PGAP4: variants seen among roughly 807,000 people sequenced by gnomAD.
PGAP4 encodes post-GPI attachment to proteins GalNAc transferase 4.
PGAP4 carries 12 observed loss-of-function variants against 28.2 expected under a neutral mutation model. The ratio of observed to expected loss-of-function variants is 0.42; its 90% CI spans 0.27 to 0.69. PGAP4 has a LOEUF of 0.69. PGAP4 is among the 30% of genes least tolerant of loss of function. The pLI is 0.22. For synonymous variants in PGAP4, 205 were observed against 211.8 expected, an observed-to-expected ratio of 0.97 and a Z score of 0.28; for missense variants, 425 against 513.5, an observed-to-expected ratio of 0.83 and a Z score of 1.67.
intron 1 of PGAP4, among the ~76,000 whole-genome samples, chr9:101,481,770 CTG>C (rs1826494437): frequency 2.0e-5 from 3 of 152,344 alleles, no homozygotes; most frequent in East Asian, 1.9e-4. Context: ...CAAGAATGTT[CTG>C]TGTTTCCCAA....
intron 2 of PGAP4, among the ~76,000 whole-genome samples, chr9:101,492,578 T>C (rs1206395741): frequency 2.0e-5 from 3 of 152,198 alleles, no homozygotes. Context: ...CTGAATTCTG[T>C]TACATTTTCC....
intron 1 of PGAP4, among the ~76,000 whole-genome samples, chr9:101,478,489 G>C (rs1265145115): frequency 1.3e-5 from 2 of 152,214 alleles, no homozygotes; most frequent in Non-Finnish European, 2.9e-5. Flanking sequence ...CTGTGGAGCA[G>C]ACTCAGCCAG....
At chr9:101,485,009 CTT>C (rs1039833475) in intron 1 of PGAP4, among the ~76,000 whole-genome samples, 73 of 152,310 alleles carry the variant, frequency 4.8e-4, no homozygotes, top group African/African-American at 1.7e-3. Flanking sequence ...AACACTGAGT[CTT>C]GTGTTAGACA....
upstream of PGAP4, among the ~76,000 whole-genome samples, chr9:101,487,525 A>G (rs1826644008): frequency 6.6e-6 from 1 of 152,228 alleles, no homozygotes; most frequent in South Asian, 2.1e-4. Context: ...CAATCCCGGC[A>G]AAGCAAATAG....
intron 2 of PGAP4, among the ~76,000 whole-genome samples, chr9:101,523,885 G>A (rs577034377): frequency 1.3e-5 from 2 of 151,880 alleles, no homozygotes; most frequent in African/African-American, 2.4e-5. Context: ...GCAAGGTCTA[G>A]GGTGGAAGGC....
rs2118563430 is a variant in PGAP4 at position 101,487,141 on chromosome 9, A to C, written c.-270T>G. ...CTCAGGCGCAGGGCTCCCCTTGCTC[A>C]GGCGGGCCATGTGACCCGCGAGCTG... is the stretch of plus-strand genomic sequence containing the variant. On this transcript the variant is annotated 5_prime_UTR_variant, in exon 1 of 2. Transcript: ENST00000374848. 6.6e-6 allele frequency: 1 copy of C among 152,308 alleles called. No homozygotes were observed. Among genetic ancestry groups the C allele is most frequent in the East Asian group, 1.9e-4 (1 of 5,150 alleles). 9.4% of individuals were successfully genotyped at this position (152,308 alleles called of 1,614,324 possible).
intron 2 of PGAP4, among the ~76,000 whole-genome samples, chr9:101,506,247 A>T (rs979491217): frequency 3.1e-4 from 47 of 152,120 alleles, no homozygotes; most frequent in African/African-American, 1.1e-3. Context: ...GGATACAAAG[A>T]TAAAAATCCA....
At chr9:101,496,471 C>A (rs570742821) in intron 2 of PGAP4, among the ~76,000 whole-genome samples, 5 of 151,128 alleles carry the variant, frequency 3.3e-5, no homozygotes, top group Non-Finnish European at 7.4e-5. Flanking sequence ...TTTAAGAAAA[C>A]GTTATTGTTT....
At chr9:101,525,383 C>T (rs542399385) in intron 2 of PGAP4, among the ~76,000 whole-genome samples, 4 of 151,958 alleles carry the variant, frequency 2.6e-5, no homozygotes, top group East Asian at 1.9e-4. Flanking sequence ...ATTGGTAATA[C>T]GTTGGTTTTA....
chr9:101,507,169 T>C (rs1588207489), intron 2 of PGAP4, among the ~76,000 whole-genome samples: 1 of 152,076 alleles, frequency 6.6e-6, no homozygotes, highest in Non-Finnish European at 1.5e-5. Context: ...GAGACTTGAG[T>C]GCTCTCCAGT....
At chr9:101,516,187 T>C (rs1826941935) in intron 2 of PGAP4, among the ~76,000 whole-genome samples, 1 of 152,168 alleles carries the variant, frequency 6.6e-6, no homozygotes, top group Non-Finnish European at 1.5e-5. Context: ...TTACTCCTTA[T>C]TGGCCACTTT....
chr9:101,513,699 C>G (rs7866293), intron 2 of PGAP4, among the ~76,000 whole-genome samples: 1 of 107,316 alleles, frequency 9.3e-6, no homozygotes, highest in Admixed American at 9.1e-5. Flanking sequence ...GATAGATAGA[C>G]AGATAGATAA....
intron 2 of PGAP4, among the ~76,000 whole-genome samples, chr9:101,494,468 C>T (rs187167797): frequency 1.1e-3 from 161 of 151,770 alleles, no homozygotes; most frequent in African/African-American, 3.8e-3. Flanking sequence ...AAGTAAAGAG[C>T]CAACAATGCT....
chr9:101,480,498 G>A (rs1480455614), intron 1 of PGAP4, among the ~76,000 whole-genome samples: 1 of 152,138 alleles, frequency 6.6e-6, no homozygotes, highest in Non-Finnish European at 1.5e-5. Context: ...ACATTTCACT[G>A]ACTGGAACAA....
intron 2 of PGAP4, among the ~76,000 whole-genome samples, chr9:101,523,200 G>A (rs978794034): frequency 1.3e-5 from 2 of 151,758 alleles, no homozygotes; most frequent in African/African-American, 2.4e-5. Context: ...GATGACTTGC[G>A]ATGAATTTCC....
At chr9:101,502,012 T>A (rs1826806613) in intron 2 of PGAP4, 1 of 219,078 alleles carries the variant, frequency 4.6e-6, no homozygotes. Context: ...TAAAACAAGG[T>A]TTTCCTTTCT....
At chr9:101,481,187 C>G (rs1015990891) in intron 1 of PGAP4, among the ~76,000 whole-genome samples, 5 of 152,100 alleles carry the variant, frequency 3.3e-5, no homozygotes, top group African/African-American at 1.2e-4. Flanking sequence ...CAAACAAAAA[C>G]AAACAAACAC....
At chr9:101,482,524 T>A (rs2118539043) in intron 1 of PGAP4, among the ~76,000 whole-genome samples, 1 of 152,322 alleles carries the variant, frequency 6.6e-6, no homozygotes, top group South Asian at 2.1e-4. Context: ...TTGATCAGCA[T>A]CCATCTGATA....
At position 101,473,895 on chromosome 9, in the gene PGAP4, G is replaced by T. The variant is rs1167105416; in HGVS notation, c.*1986C>A. 3 of 152,246 alleles carry T rather than the reference G, an allele frequency of 2.0e-5. No homozygotes were observed. Among genetic ancestry groups the T allele is most frequent in the African/African-American group, 7.2e-5 (3 of 41,434 alleles). The allele number at this position is 152,246 out of a possible 1,614,324, so 9.4% of individuals were successfully genotyped here. A position where few individuals can be genotyped will look rare whatever the true frequency, so the allele number is the denominator to read the frequency against. The stretch of plus-strand genomic sequence containing the variant: ...AATGAAGGAGTGGGATCTGAACATT[G>T]TAATAAGTCATCTAGTAGCTCTGAT... On this transcript the variant is annotated 3_prime_UTR_variant, in exon 2 of 2. Transcript: ENST00000374848.
Sources: allele counts gnomAD v4.1 joint callset (sites outside exome capture counted in the v4.1 genomes callset), GRCh38; gene constraint gnomAD v4.1.1; transcripts MANE v1.5; gene names NCBI Gene and HGNC (gene_info 2026-07-23, HGNC 2026-07-21).